Variants in DIPK1A observed in about 807,000 individuals in gnomAD.
DIPK1A encodes the protein divergent protein kinase domain 1A.
DIPK1A carries 27 observed loss-of-function variants against 40.8 expected under a neutral mutation model. The observed-to-expected ratio is 0.66, with a 90% CI of 0.49 to 0.91. The LOEUF is 0.91. Among genes scored for constraint, DIPK1A ranks in the 40% least tolerant of loss-of-function variants. DIPK1A has a pLI of 0.00. For missense variants in DIPK1A, 412 were observed against 505.7 expected, an observed-to-expected ratio of 0.81 and a Z score of 1.78; for synonymous variants, 166 against 171.3, an observed-to-expected ratio of 0.97 and a Z score of 0.24.
chr1:92,940,225 C>T lies in DIPK1A; in HGVS notation c.54+21151G>A, dbSNP rs569128732. ...GAGTAGAGATGAGTGTCCGACATCA[C>T]TCTGCCCTACCCAACACAGACTGCT... On this transcript the variant is annotated intron_variant, in intron 1 of 4. Coordinates refer to ENST00000370310, the MANE Select transcript of DIPK1A (RefSeq NM_001006605.5). Among the ~76,000 whole-genome samples, 337 of 152,240 alleles carry T rather than the reference C, an allele frequency of 2.2e-3. 1 individual carries two copies. The highest frequency in any genetic ancestry group is 7.8e-3 in the African/African-American group (323 of 41,546).
chr1:92,894,374 G>A (rs1398057818), intron 1 of DIPK1A, among the ~76,000 whole-genome samples: 1 of 152,098 alleles, frequency 6.6e-6, no homozygotes, highest in Non-Finnish European at 1.5e-5. Flanking sequence ...CAACTACATG[G>A]AAACTGAACA....
downstream of DIPK1A, chr1:92,840,685 T>G: frequency 7.2e-7 from 1 of 1,389,458 alleles, no homozygotes; most frequent in Non-Finnish European, 1.0e-6. Flanking sequence ...AGGTTGGGAA[T>G]GGTTCCCACG....
chr1:92,912,707 G>A (rs1649877503), intron 1 of DIPK1A, among the ~76,000 whole-genome samples: 1 of 152,156 alleles, frequency 6.6e-6, no homozygotes, highest in Admixed American at 6.5e-5. Context: ...CTAAAAGTCA[G>A]AGGCCAGATT....
At chr1:92,894,594 C>G (rs1369552657) in intron 1 of DIPK1A, among the ~76,000 whole-genome samples, 3 of 151,970 alleles carry the variant, frequency 2.0e-5, no homozygotes, top group Non-Finnish European at 4.4e-5. Context: ...ATTAAAAGAA[C>G]TAGAGAAGCT....
At chr1:92,938,029 T>G (rs1314707303) in intron 1 of DIPK1A, among the ~76,000 whole-genome samples, 1 of 152,148 alleles carries the variant, frequency 6.6e-6, no homozygotes, top group East Asian at 1.9e-4. Context: ...TTTAAAAAAT[T>G]AAAAAGGCAT....
chr1:92,942,045 G>C (rs1448551982), intron 1 of DIPK1A, among the ~76,000 whole-genome samples: 3 of 151,576 alleles, frequency 2.0e-5, no homozygotes, highest in Non-Finnish European at 1.5e-5. Context: ...CGCCAGCACA[G>C]GGAATATATG....
chr1:92,897,316 T>C (rs1266388137), intron 1 of DIPK1A, among the ~76,000 whole-genome samples: 2 of 152,156 alleles, frequency 1.3e-5, no homozygotes, highest in African/African-American at 2.4e-5. Context: ...CATGGAATAC[T>C]ATGCAGCCAT....
chr1:92,881,743 C>T (rs562007722), intron 1 of DIPK1A, among the ~76,000 whole-genome samples: 6 of 152,218 alleles, frequency 3.9e-5, no homozygotes, highest in Admixed American at 3.3e-4. Flanking sequence ...CCCAATTTGG[C>T]TTTTAGAAAG....
intron 1 of DIPK1A, among the ~76,000 whole-genome samples, chr1:92,923,979 G>A (rs1427423157): frequency 6.6e-6 from 1 of 152,260 alleles, no homozygotes; most frequent in East Asian, 1.9e-4. Flanking sequence ...TCTCTAATTG[G>A]CTTCAACTGA....
At chr1:92,838,921 A>G (rs915431878), downstream of DIPK1A, among the ~76,000 whole-genome samples, 3 of 152,168 alleles carry the variant, frequency 2.0e-5, 1 homozygote, top group Non-Finnish European at 4.4e-5. Flanking sequence ...TCTTTATGCA[A>G]ATGCATGTAG....
intron 4 of DIPK1A, chr1:92,846,031 AAAAAG>A (rs1237049857): frequency 3.3e-5 from 5 of 153,080 alleles, no homozygotes; most frequent in Non-Finnish European, 5.8e-5. Flanking sequence ...CATCTTTTAA[AAAAAG>A]AAAGAAAGAA....
chr1:92,904,070 T>C (rs187254623), intron 1 of DIPK1A, among the ~76,000 whole-genome samples: 1 of 152,338 alleles, frequency 6.6e-6, no homozygotes, highest in East Asian at 1.9e-4. Flanking sequence ...TCCAAAATTG[T>C]CTTCTCATTT....
intron 1 of DIPK1A, among the ~76,000 whole-genome samples, chr1:92,961,134 C>G (rs1011517223): frequency 4.7e-5 from 7 of 150,452 alleles, no homozygotes; most frequent in Non-Finnish European, 1.0e-4. Context: ...CGGGACGACT[C>G]GGGCCCTGGA....
chr1:92,870,460 AG>A (rs1271561209), intron 2 of DIPK1A, among the ~76,000 whole-genome samples: 1 of 152,168 alleles, frequency 6.6e-6, no homozygotes, highest in Non-Finnish European at 1.5e-5. Context: ...TCCTGACCTC[AG>A]GTGATCCACC....
At position 92,842,399 on chromosome 1, in the gene DIPK1A, A is replaced by G. The variant is rs1177493673; in HGVS notation, c.*984T>C. 6 of 982,020 alleles carry G rather than the reference A, an allele frequency of 6.1e-6. No individual in the cohort carries two copies. In the Admixed American group the frequency reaches 3.1e-4, roughly 50 times the overall value. 60.8% of individuals were successfully genotyped at this position (982,020 alleles called of 1,614,324 possible). ...ATTTTATGGAGATGTTGAAAGGTAC[A>G]TGCCAAATCTGAGTATACGTGTGAA... On this transcript the variant is annotated 3_prime_UTR_variant, in exon 5 of 5. Transcript: ENST00000370310.
At chr1:92,916,853 G>C (rs1650074034) in intron 1 of DIPK1A, among the ~76,000 whole-genome samples, 1 of 152,150 alleles carries the variant, frequency 6.6e-6, no homozygotes, top group South Asian at 2.1e-4. Flanking sequence ...AAAACTCTCA[G>C]AATAACGATA....
At chr1:92,953,342 C>T (rs1347178345) in intron 1 of DIPK1A, among the ~76,000 whole-genome samples, 1 of 150,898 alleles carries the variant, frequency 6.6e-6, no homozygotes, top group Non-Finnish European at 1.5e-5. Flanking sequence ...CTTTGGAAAA[C>T]AGTATGAAGG....
At chr1:92,855,057 C>T (rs1308332693) in intron 2 of DIPK1A, among the ~76,000 whole-genome samples, 1 of 147,508 alleles carries the variant, frequency 6.8e-6, no homozygotes, top group Non-Finnish European at 1.5e-5. Flanking sequence ...TGGCCCATTG[C>T]AAAAGAAAAG....
chr1:92,872,265 A>G (rs972874771), intron 2 of DIPK1A, among the ~76,000 whole-genome samples: 3 of 151,630 alleles, frequency 2.0e-5, no homozygotes, highest in African/African-American at 7.3e-5. Flanking sequence ...TATTTTTAGT[A>G]GAGACAGGTT....
Sources: gnomAD v4.1 joint callset for allele counts (sites outside exome capture counted in the v4.1 genomes callset) on GRCh38, gnomAD v4.1.1 for gene constraint, MANE v1.5 for transcripts, NCBI Gene and HGNC (gene_info 2026-07-23, HGNC 2026-07-21) for gene names.